The following PSMA1 variants were observed in gnomAD, a reference collection of about 807,000 sequenced individuals.
The protein encoded by PSMA1 is proteasome subunit alpha type-1.
PSMA1 carries 3 observed loss-of-function variants against 38.4 expected under a neutral mutation model. The observed-to-expected ratio is 0.08, with a 90% confidence interval of 0.04 to 0.20. The LOEUF is 0.20. Among genes scored for constraint, PSMA1 ranks in the 10% least tolerant of loss-of-function variants. The pLI, the probability that PSMA1 is intolerant of heterozygous loss-of-function variation, is 1.00. For synonymous variants in PSMA1, 101 were observed against 107.1 expected (o/e 0.94, Z 0.35); for missense variants, 227 against 325.3 (o/e 0.70, Z 2.32).
chr11:14,514,178 A>G, intron 5 of PSMA1: 1 of 1,337,012 alleles, frequency 7.5e-7, no homozygotes, highest in Non-Finnish European at 9.6e-7. Flanking sequence ...AGAAACTTTA[A>G]ATCCCCTCTA....
At chr11:14,557,342 A>G (rs952521553) in intron 2 of PSMA1, among the ~76,000 whole-genome samples, 19 of 151,914 alleles carry the variant, frequency 1.3e-4, no homozygotes, top group African/African-American at 4.1e-4. Flanking sequence ...GGTTCAAGTG[A>G]TTCTCCTGCC....
chr11:14,620,336 T>C lies in PSMA1; in HGVS notation c.-165-9185A>G, dbSNP rs16930396. 4.8e-3 allele frequency among the ~76,000 whole-genome samples: 738 copies of C among 152,328 alleles called. 33 individuals carry two copies. In the East Asian group the frequency reaches 0.11, roughly 22 times the overall value. On this transcript the variant is annotated intron_variant, in intron 1 of 10. Coordinates refer to the PSMA1 transcript ENST00000418988. ...TCAGACTGTACAGCCAGTTTAACTCTTGGCTTTTCAGGTGACTTCACTTGC... is the reference window on the plus strand; with the variant it reads ...TCAGACTGTACAGCCAGTTTAACTCCTGGCTTTTCAGGTGACTTCACTTGC...
intron 2 of PSMA1, 89 bp from the exon 3 acceptor site, chr11:14,518,070 T>A: frequency 1.1e-6 from 1 of 943,934 alleles, no homozygotes; most frequent in East Asian, 2.8e-5. Flanking sequence ...TGAGCACAGT[T>A]AAATCTCAAC....
At chr11:14,514,082 C>T in intron 5 of PSMA1, 195 bp from the exon 6 acceptor site, 2 of 1,315,630 alleles carry the variant, frequency 1.5e-6, no homozygotes, top group Non-Finnish European at 1.9e-6. Flanking sequence ...AGAAAGAGTG[C>T]CAGCAAAATA....
At chr11:14,545,350 G>A (rs537008975) in intron 2 of PSMA1, among the ~76,000 whole-genome samples, 36 of 152,232 alleles carry the variant, frequency 2.4e-4, no homozygotes, top group South Asian at 1.7e-3. Flanking sequence ...CGTGCAGGAC[G>A]TGCAAGTTTG....
chr11:14,609,447 T>A (rs1333549991), intron 2 of PSMA1, among the ~76,000 whole-genome samples: 2 of 152,182 alleles, frequency 1.3e-5, no homozygotes, highest in Non-Finnish European at 2.9e-5. Context: ...GAAGACCTTT[T>A]TTAAATAAGA....
At chr11:14,589,343 G>A (rs200840726) in intron 2 of PSMA1, among the ~76,000 whole-genome samples, 26 of 143,104 alleles carry the variant, frequency 1.8e-4, no homozygotes, top group Non-Finnish European at 2.9e-4. Context: ...ATATATATAT[G>A]TGTGTGTGTA....
chr11:14,572,756 A>G (rs1852161685), intron 2 of PSMA1, among the ~76,000 whole-genome samples: 1 of 152,200 alleles, frequency 6.6e-6, no homozygotes, highest in Non-Finnish European at 1.5e-5. Context: ...AACAAAACTG[A>G]TAGACTGATA....
At chr11:14,556,181 T>C (rs1851939470) in intron 2 of PSMA1, among the ~76,000 whole-genome samples, 1 of 152,238 alleles carries the variant, frequency 6.6e-6, no homozygotes, top group African/African-American at 2.4e-5. Flanking sequence ...GAGCTTATCC[T>C]GCAATAGCTT....
intron 2 of PSMA1, among the ~76,000 whole-genome samples, chr11:14,530,012 C>T (rs1851628852): frequency 6.6e-6 from 1 of 152,162 alleles, no homozygotes; most frequent in Non-Finnish European, 1.5e-5. Flanking sequence ...ATTTTGCTCA[C>T]CACTGCATTT....
chr11:14,562,296 A>C (rs967392489), intron 2 of PSMA1, among the ~76,000 whole-genome samples: 4 of 152,200 alleles, frequency 2.6e-5, no homozygotes, highest in Non-Finnish European at 5.9e-5. Context: ...CATTAGATGA[A>C]TTGAGAAAGC....
At chr11:14,578,079 T>C (rs766151953) in intron 2 of PSMA1, among the ~76,000 whole-genome samples, 3 of 150,288 alleles carry the variant, frequency 2.0e-5, no homozygotes, top group Non-Finnish European at 3.0e-5. Context: ...TGTTGGGGGG[T>C]TGGGGGCTAG....
At chr11:14,615,287 C>T (rs185531059) in intron 1 of PSMA1, among the ~76,000 whole-genome samples, 11 of 152,334 alleles carry the variant, frequency 7.2e-5, no homozygotes, top group Admixed American at 5.9e-4. Flanking sequence ...TCTTTGCTGG[C>T]CACTTGAGAT....
chr11:14,570,837 T>G (rs1852130662), intron 2 of PSMA1, among the ~76,000 whole-genome samples: 1 of 151,988 alleles, frequency 6.6e-6, no homozygotes, highest in Non-Finnish European at 1.5e-5. Flanking sequence ...ACATTCAAAT[T>G]CAGGAAATAC....
At chr11:14,627,563 G>C (rs1026901934) in intron 1 of PSMA1, among the ~76,000 whole-genome samples, 1 of 152,172 alleles carries the variant, frequency 6.6e-6, no homozygotes. Context: ...CCAACTACTA[G>C]ATGTGTAATC....
rs545180180 is a variant in PSMA1, at chr11:14,552,972, T to G, written c.22-33931A>C. The stretch of plus-strand genomic sequence containing the variant: ...CTCCCTATTAGCTGGGACTAAGGCA[T>G]GCATCACGACACCCAGCTAACTTTT... On this transcript the variant is annotated intron_variant, in intron 2 of 10. Coordinates refer to the PSMA1 transcript ENST00000418988. 2.6e-5 allele frequency among the ~76,000 whole-genome samples: 4 copies of G among 151,912 alleles called. No homozygotes were observed. The South Asian group carries it at 8.3e-4, about 32-fold the overall frequency.
At chr11:14,628,581 G>C (rs1210795277) in intron 1 of PSMA1, among the ~76,000 whole-genome samples, 3 of 150,162 alleles carry the variant, frequency 2.0e-5, no homozygotes, top group Admixed American at 1.3e-4. Context: ...GGACATTTGG[G>C]TTGGTTCCAA....
chr11:14,569,067 C>T (rs1041240717), intron 2 of PSMA1, among the ~76,000 whole-genome samples: 26 of 152,162 alleles, frequency 1.7e-4, no homozygotes, highest in African/African-American at 5.8e-4. Context: ...ATTATCTGGG[C>T]GATTAACATT....
At chr11:14,577,967 A>T (rs1037346311) in intron 2 of PSMA1, among the ~76,000 whole-genome samples, 2 of 152,168 alleles carry the variant, frequency 1.3e-5, no homozygotes, top group African/African-American at 4.8e-5. Flanking sequence ...ATTGAGAACC[A>T]CAAATTAGAT....
Sources: gnomAD v4.1 joint callset for allele counts (sites outside exome capture counted in the v4.1 genomes callset) on GRCh38, gnomAD v4.1.1 for gene constraint, MANE v1.5 for transcripts, NCBI Gene and HGNC (gene_info 2026-07-23, HGNC 2026-07-21) for gene names.